LAMA2: variants seen among roughly 807,000 people sequenced by gnomAD.
LAMA2 encodes the protein laminin subunit alpha 2.
A neutral mutation model predicts 364.8 loss-of-function variants in LAMA2; 269 were observed. The observed-to-expected ratio is 0.74, with a 90% CI of 0.67 to 0.82. LAMA2 has a LOEUF of 0.82. Ranked by LOEUF, LAMA2 falls within the 40% of genes least tolerant of loss-of-function variation. The probability of loss-of-function intolerance (pLI) is 0.00; values close to 1 mark genes in which losing one functional copy is unlikely to be tolerated. For missense variants in LAMA2, 3,807 were observed against 3,873.2 expected (o/e 0.98, Z 0.45); for synonymous variants, 1,379 against 1,370.6 (o/e 1.01, Z -0.14).
In LAMA2 at chr6:129,295,616, G is replaced by A. The variant is rs527490707; in HGVS notation, c.2857-2069G>A. Among the ~76,000 whole-genome samples, 10 of 152,046 alleles carry A rather than the reference G, an allele frequency of 6.6e-5. No homozygotes were observed. The East Asian group carries it at 7.7e-4, about 12-fold the overall frequency. On this transcript the variant is annotated intron_variant, in intron 20 of 64. Transcript: ENST00000421865. ...AATATTTGAAAAGTGAGGTAGAACC[G>A]TTTCTTCTTGTATATTTCCTTACAT... is the stretch of plus-strand genomic sequence containing the variant.
intron 1 of LAMA2, among the ~76,000 whole-genome samples, chr6:128,918,039 C>T (rs1262672705): frequency 6.6e-6 from 1 of 151,924 alleles, no homozygotes; most frequent in Non-Finnish European, 1.5e-5. Flanking sequence ...CTTTTATATT[C>T]TTAATATTTC....
In LAMA2 at chr6:129,349,383, A is replaced by G; in HGVS notation, c.4522A>G (p.Arg1508Gly). The stretch of plus-strand genomic sequence containing the variant: ...GGGATATGAAGGCCAGTACTGTGAA[A>G]GGTACCAACAGCCATGAAACGTACA... ...PRGYEGQYCE[R>G]CAPGYTGSPG... Residue 1508 changes from arginine to glycine, a missense_variant and splice_region_variant, in exon 31 of 65, where the codon AGG becomes GGG. Arg to Gly is a moderately radical substitution (Grantham distance 125). Transcript: ENST00000421865. The G allele has an allele frequency of 6.2e-7, 1 of 1,610,668 alleles. No homozygotes were observed. Among genetic ancestry groups the G allele is most frequent in the Non-Finnish European group, 8.5e-7 (1 of 1,177,016 alleles).
chr6:129,353,399 T>C (rs1257341884), intron 32 of LAMA2, 42 bp downstream of exon 32: 2 of 1,531,802 alleles, frequency 1.3e-6, no homozygotes, highest in African/African-American at 2.7e-5. Context: ...AGGCCTTGAT[T>C]CCAGTTCTGT....
intron 12 of LAMA2, among the ~76,000 whole-genome samples, chr6:129,233,389 G>A (rs1489632018): frequency 1.3e-5 from 2 of 152,060 alleles, no homozygotes; most frequent in African/African-American, 4.8e-5. Context: ...ACTACTAAGA[G>A]TCTACTGTTG....
chr6:128,914,470 C>T (rs1215919695), intron 1 of LAMA2, among the ~76,000 whole-genome samples: 1 of 152,148 alleles, frequency 6.6e-6, no homozygotes, highest in Non-Finnish European at 1.5e-5. Context: ...TCCTCTATCT[C>T]ATATATATGT....
At chr6:129,367,408 T>C (rs939631271) in intron 33 of LAMA2, among the ~76,000 whole-genome samples, 2 of 152,164 alleles carry the variant, frequency 1.3e-5, no homozygotes, top group Non-Finnish European at 2.9e-5. Context: ...AATCAAGCAA[T>C]TAGCAAGAAT....
At chr6:129,393,347 C>T in intron 37 of LAMA2, 92 bp downstream of exon 37, 1 of 956,516 alleles carries the variant, frequency 1.0e-6, no homozygotes, top group South Asian at 1.3e-5. Flanking sequence ...AGTTGATGCA[C>T]ATTTACAAAA....
At chr6:129,261,412 A>T (rs991299091) in intron 15 of LAMA2, among the ~76,000 whole-genome samples, 3 of 152,136 alleles carry the variant, frequency 2.0e-5, no homozygotes, top group African/African-American at 7.2e-5. Context: ...TTATAATAAG[A>T]TTAATGGTTC....
chr6:129,361,370 A>T (rs1777448395), intron 32 of LAMA2, among the ~76,000 whole-genome samples: 1 of 152,242 alleles, frequency 6.6e-6, no homozygotes, highest in Admixed American at 6.5e-5. Context: ...CAAAACTTGA[A>T]AAAGTGTGTC....
intron 15 of LAMA2, among the ~76,000 whole-genome samples, chr6:129,263,319 G>A (rs1389536630): frequency 6.6e-6 from 1 of 152,262 alleles, no homozygotes; most frequent in Admixed American, 6.5e-5. Flanking sequence ...AGAAATAAAC[G>A]TGACAAATTC....
intron 1 of LAMA2, among the ~76,000 whole-genome samples, chr6:129,042,498 T>C (rs1582925331): frequency 6.6e-6 from 1 of 152,248 alleles, no homozygotes; most frequent in East Asian, 1.9e-4. Context: ...TGCTAATTTT[T>C]TTCAAGCTCA....
intron 3 of LAMA2, among the ~76,000 whole-genome samples, chr6:129,076,326 A>G (rs1773629662): frequency 6.6e-6 from 1 of 150,944 alleles, no homozygotes; most frequent in Non-Finnish European, 1.5e-5. Context: ...AGCTATGGCA[A>G]TGCAGATGCT....
At chr6:128,995,468 C>G (rs1489506978) in intron 1 of LAMA2, among the ~76,000 whole-genome samples, 1 of 152,130 alleles carries the variant, frequency 6.6e-6, no homozygotes, top group African/African-American at 2.4e-5. Flanking sequence ...ATTACAGGTG[C>G]CTGCCACCAC....
Position 129,205,493 on chromosome 6 carries a change from TACACACACACACAC to T in LAMA2, c.1782+12667_1782+12680del, listed in dbSNP as rs767013359. Among the ~76,000 whole-genome samples the T allele has an allele frequency of 8.7e-4, 91 of 104,266 alleles. 1 individual carries two copies. The East Asian group carries it at 0.013, about 15-fold the overall frequency. 68.4% of individuals were successfully genotyped at this position (104,266 alleles called of 152,430 possible). On this transcript the variant is annotated intron_variant, in intron 12 of 64. Coordinates refer to ENST00000421865, the MANE Select transcript of LAMA2 (RefSeq NM_000426.4). The stretch of plus-strand genomic sequence containing the variant: ...TATTCTGTAAGTATATATATATATA[TACACACACACACAC>T]ACACACACACACACACACACACACA...
At chr6:129,020,813 C>T (rs145201256) in intron 1 of LAMA2, among the ~76,000 whole-genome samples, 3 of 152,062 alleles carry the variant, frequency 2.0e-5, no homozygotes, top group African/African-American at 7.2e-5. Flanking sequence ...GGCAGAGGGG[C>T]GAGAGATGGG....
At chr6:129,104,837 C>A (rs1428390593) in intron 4 of LAMA2, among the ~76,000 whole-genome samples, 2 of 152,086 alleles carry the variant, frequency 1.3e-5, no homozygotes, top group Non-Finnish European at 2.9e-5. Context: ...TCAACTACTA[C>A]CAAGAAAGAG....
chr6:129,265,476 A>G (rs1562394136), intron 15 of LAMA2, among the ~76,000 whole-genome samples: 1 of 152,090 alleles, frequency 6.6e-6, no homozygotes, highest in Admixed American at 6.6e-5. Flanking sequence ...CTTAATTTCT[A>G]CCCCCTTATG....
chr6:129,063,503 G>A (rs908831586), intron 3 of LAMA2, among the ~76,000 whole-genome samples: 1 of 152,086 alleles, frequency 6.6e-6, no homozygotes, highest in Non-Finnish European at 1.5e-5. Context: ...GGCAGGCGGG[G>A]TAAAACAGAG....
intron 40 of LAMA2, among the ~76,000 whole-genome samples, chr6:129,417,390 C>T (rs1345848505): frequency 1.3e-5 from 2 of 152,108 alleles, no homozygotes; most frequent in Admixed American, 1.3e-4. Context: ...GGTAGATCAT[C>T]CTGTTGTCTG....
Sources: allele counts gnomAD v4.1 joint callset (sites outside exome capture counted in the v4.1 genomes callset), GRCh38; gene constraint gnomAD v4.1.1; transcripts MANE v1.5; gene names NCBI Gene and HGNC (gene_info 2026-07-23, HGNC 2026-07-21).